RNF216: variants seen among roughly 807,000 people sequenced by gnomAD.
The protein encoded by RNF216 is ring finger protein 216.
In RNF216, 72 loss-of-function variants were observed where a neutral mutation model predicts 110.8. The observed-to-expected ratio is 0.65, with a 90% CI of 0.54 to 0.79. The LOEUF is 0.79. Ranked by LOEUF, RNF216 falls within the 30% of genes least tolerant of loss-of-function variation. RNF216 has a pLI of 0.00. For missense variants in RNF216, 1,342 were observed against 1,141.2 expected (o/e 1.18, Z -2.54); for synonymous variants, 495 against 407.5 (o/e 1.21, Z -2.59).
chr7:5,756,784 T>C (rs567798110), intron 2 of RNF216, among the ~76,000 whole-genome samples: 2 of 152,218 alleles, frequency 1.3e-5, no homozygotes, highest in African/African-American at 4.8e-5. Flanking sequence ...AAGACCACCA[T>C]ACCCAGCTAA....
At chr7:5,728,080 C>T (rs1422277878) in intron 7 of RNF216, among the ~76,000 whole-genome samples, 1 of 152,084 alleles carries the variant, frequency 6.6e-6, no homozygotes, top group East Asian at 1.9e-4. Flanking sequence ...AGACTGAATT[C>T]GTGATTATTT....
chr7:5,741,018 A>G lies in RNF216; in HGVS notation c.999T>C (p.Ala333=). ...CAACGAGCTCTTGATCTACCTCTGC[A>G]GCTTCTTGCCCCCAAATGTTTTCCA... is the stretch of plus-strand genomic sequence containing the variant. ...PNLENIWGQE[A]AEVDQELVEL... The change falls in exon 4 of 17, where the codon GCT becomes GCC. Residue 333 remains alanine, a synonymous_variant. Transcript: ENST00000389902. The G allele has an allele frequency of 6.2e-7, 1 of 1,613,388 alleles. No individual in the cohort carries two copies.
At chr7:5,756,726 G>GGGTTCAATACTGGGTTCAA (rs1795663940) in intron 2 of RNF216, among the ~76,000 whole-genome samples, 1 of 152,190 alleles carries the variant, frequency 6.6e-6, no homozygotes. Context: ...CTGGGTTCAA[G>GGGTTCAATACTGGGTTCAA]TGACCCTCCC....
chr7:5,656,601 A>G (rs956896211), intron 13 of RNF216, among the ~76,000 whole-genome samples: 4 of 152,194 alleles, frequency 2.6e-5, no homozygotes, highest in Non-Finnish European at 5.9e-5. Flanking sequence ...TTTGTTAACA[A>G]GTAGCCCGCC....
intron 1 of RNF216, among the ~76,000 whole-genome samples, chr7:5,762,202 T>G (rs1237431967): frequency 6.6e-6 from 1 of 152,050 alleles, no homozygotes; most frequent in Admixed American, 6.6e-5. Context: ...ATACAAAAAT[T>G]TAAAATACAT....
At position 5,760,986 on chromosome 7, in the gene RNF216, G is replaced by C. The variant is rs767684610; in HGVS notation, c.67+17C>G. 1.9e-6 allele frequency: 3 copies of C among 1,550,126 alleles called. No individual in the cohort carries two copies. The South Asian group carries it at 3.5e-5, about 18-fold the overall frequency. On this transcript the variant is annotated intron_variant, in intron 2 of 16. Transcript: ENST00000389902. ...AAAGCCACAGGGAAAGGGATGAAGT[G>C]AGAACAAACAACTTACCTTGTCCCC...
intron 13 of RNF216, among the ~76,000 whole-genome samples, chr7:5,669,661 G>C (rs973909047): frequency 6.6e-6 from 1 of 152,184 alleles, no homozygotes; most frequent in South Asian, 2.1e-4. Flanking sequence ...GGGAGGCCAA[G>C]GTGGGCGGAT....
At chr7:5,738,824 A>C (rs1241798735) in intron 5 of RNF216, among the ~76,000 whole-genome samples, 1 of 152,148 alleles carries the variant, frequency 6.6e-6, no homozygotes, top group Non-Finnish European at 1.5e-5. Context: ...ACTAAAACAC[A>C]GGTAGTATCA....
At chr7:5,658,192 G>A (rs1788868144) in intron 13 of RNF216, among the ~76,000 whole-genome samples, 1 of 152,132 alleles carries the variant, frequency 6.6e-6, no homozygotes, top group Non-Finnish European at 1.5e-5. Context: ...CCAATAAAGT[G>A]CTTCTCCTAC....
chr7:5,743,318 T>C (rs1426839725), intron 3 of RNF216, among the ~76,000 whole-genome samples: 1 of 152,196 alleles, frequency 6.6e-6, no homozygotes, highest in Non-Finnish European at 1.5e-5. Context: ...ATGTCTGTCA[T>C]CATTTTTTCA....
chr7:5,744,194 A>C (rs909961709), intron 3 of RNF216, among the ~76,000 whole-genome samples: 1 of 152,206 alleles, frequency 6.6e-6, no homozygotes, highest in Admixed American at 6.5e-5. Context: ...CGCAAATTCC[A>C]GAATGGAAAA....
intron 13 of RNF216, among the ~76,000 whole-genome samples, chr7:5,668,145 T>C (rs568033602): frequency 5.9e-5 from 9 of 152,028 alleles, no homozygotes; most frequent in Non-Finnish European, 1.3e-4. Context: ...ATAGCAGGCA[T>C]AGAAAAGCGG....
At chr7:5,630,713 C>G (rs150129599) in intron 15 of RNF216, among the ~76,000 whole-genome samples, 2 of 152,102 alleles carry the variant, frequency 1.3e-5, no homozygotes, top group East Asian at 3.9e-4. Flanking sequence ...TATAAAGCGC[C>G]AAGCACAGTG....
chr7:5,768,748 G>T (rs924495610), intron 1 of RNF216, among the ~76,000 whole-genome samples: 1 of 148,872 alleles, frequency 6.7e-6, no homozygotes, highest in African/African-American at 2.5e-5. Context: ...TGCAAGCTCC[G>T]CCTCCCGGGT....
chr7:5,778,879 G>T (rs1460781389), intron 1 of RNF216, among the ~76,000 whole-genome samples: 1 of 152,204 alleles, frequency 6.6e-6, no homozygotes, highest in Non-Finnish European at 1.5e-5. Flanking sequence ...CAGTAGCTGG[G>T]ATTACAGGCG....
At chr7:5,685,997 C>A (rs148677878) in intron 13 of RNF216, among the ~76,000 whole-genome samples, 6 of 151,774 alleles carry the variant, frequency 4.0e-5, no homozygotes, top group African/African-American at 1.2e-4. Flanking sequence ...CTGAGGCGGA[C>A]GGATCATCTG....
intron 1 of RNF216, among the ~76,000 whole-genome samples, chr7:5,778,402 T>C (rs1338632055): frequency 6.6e-6 from 1 of 152,236 alleles, no homozygotes; most frequent in Non-Finnish European, 1.5e-5. Context: ...TCCTCCCTGG[T>C]TCAATCACAC....
At chr7:5,683,482 C>T (rs943289528) in intron 13 of RNF216, among the ~76,000 whole-genome samples, 2 of 152,146 alleles carry the variant, frequency 1.3e-5, no homozygotes, top group African/African-American at 4.8e-5. Flanking sequence ...CCGTATCACC[C>T]CCATCCTCCA....
chr7:5,748,466 G>A (rs1427171880), intron 3 of RNF216, among the ~76,000 whole-genome samples: 1 of 152,154 alleles, frequency 6.6e-6, no homozygotes, highest in African/African-American at 2.4e-5. Flanking sequence ...CACCATCTTG[G>A]CCAGACTGGT....
Sources: allele counts gnomAD v4.1 joint callset (sites outside exome capture counted in the v4.1 genomes callset), GRCh38; gene constraint gnomAD v4.1.1; transcripts MANE v1.5; gene names NCBI Gene and HGNC (gene_info 2026-07-23, HGNC 2026-07-21).